The following NFIB variants were observed in gnomAD, a reference collection of about 807,000 sequenced individuals.
NFIB encodes nuclear factor 1 B-type.
Under a neutral mutation model 61.5 loss-of-function variants are expected in NFIB, and 11 were observed. The ratio of observed to expected loss-of-function variants is 0.18; its 90% CI spans 0.11 to 0.30. NFIB has a LOEUF of 0.30. NFIB is among the 10% of genes least tolerant of loss of function. NFIB has a pLI of 1.00. For synonymous variants in NFIB, 260 were observed against 216.5 expected (o/e 1.20, Z -1.76); for missense variants, 471 against 608.9 (o/e 0.77, Z 2.38).
chr9:14,267,783 C>T (rs2057317274), intron 2 of NFIB, among the ~76,000 whole-genome samples: 1 of 152,168 alleles, frequency 6.6e-6, no homozygotes, highest in African/African-American at 2.4e-5. Flanking sequence ...ATGACAGGTG[C>T]TCATTTAAAA....
chr9:14,131,938 T>A (rs913570638), intron 6 of NFIB, among the ~76,000 whole-genome samples: 1 of 152,158 alleles, frequency 6.6e-6, no homozygotes, highest in Non-Finnish European at 1.5e-5. Flanking sequence ...CTTTTTCACA[T>A]ATAGTAGAGC....
intron 2 of NFIB, among the ~76,000 whole-genome samples, chr9:14,298,812 A>C (rs184268403): frequency 9.2e-5 from 14 of 152,358 alleles, no homozygotes; most frequent in Admixed American, 9.1e-4. Flanking sequence ...TCAGGTAGCA[A>C]CTTAGCCAGG....
At chr9:14,359,768 T>A (rs1588366041) in intron 1 of NFIB, among the ~76,000 whole-genome samples, 1 of 152,028 alleles carries the variant, frequency 6.6e-6, no homozygotes, top group East Asian at 1.9e-4. Flanking sequence ...CTCCCTGGGG[T>A]TGCTGGGTGG....
chr9:14,451,679 A>G, the NFIB span, among the ~76,000 whole-genome samples: 4 of 152,240 alleles, frequency 2.6e-5, no homozygotes, highest in Non-Finnish European at 5.9e-5. Context: ...CTTGTATAAT[A>G]TGATTAAACT....
intron 1 of NFIB, among the ~76,000 whole-genome samples, chr9:14,331,638 T>C (rs946240683): frequency 1.3e-5 from 2 of 152,210 alleles, no homozygotes; most frequent in African/African-American, 4.8e-5. Context: ...GTTCTGAAAG[T>C]AATGGAATAT....
chr9:14,485,043 C>T, the NFIB span, among the ~76,000 whole-genome samples: 3 of 152,124 alleles, frequency 2.0e-5, no homozygotes, highest in Non-Finnish European at 4.4e-5. Context: ...ATTCCTTCCT[C>T]TTATAAAACC....
chr9:14,153,547 C>T (rs1374470654), intron 4 of NFIB, among the ~76,000 whole-genome samples: 1 of 152,116 alleles, frequency 6.6e-6, no homozygotes, highest in Non-Finnish European at 1.5e-5. Context: ...AACCTTTAAT[C>T]TCCCTTATTG....
the NFIB span, among the ~76,000 whole-genome samples, chr9:14,410,746 C>G: frequency 2.0e-5 from 3 of 152,196 alleles, no homozygotes; most frequent in African/African-American, 7.2e-5. Flanking sequence ...ACAACTCCCA[C>G]TTTCCTAAAC....
the NFIB span, among the ~76,000 whole-genome samples, chr9:14,446,034 C>T: frequency 4.0e-3 from 609 of 152,272 alleles, 8 homozygotes; most frequent in African/African-American, 0.014. Context: ...TCCAGGTTCT[C>T]TCAGCATGTT....
chr9:14,272,692 CAAAAAAAAAAAAA>C (rs61391471), intron 2 of NFIB, among the ~76,000 whole-genome samples: 11 of 67,212 alleles, frequency 1.6e-4, no homozygotes, highest in South Asian at 1.3e-3. Context: ...TCAATTCTCG[CAAAAAAAAAAAAA>C]AAAAAAAAAA....
intron 1 of NFIB, among the ~76,000 whole-genome samples, chr9:14,341,513 C>A (rs1233788234): frequency 6.6e-6 from 1 of 152,150 alleles, no homozygotes; most frequent in Non-Finnish European, 1.5e-5. Flanking sequence ...ATCAGAAGTG[C>A]TGGGAAGGGA....
chr9:14,179,704 A>T (rs763572336), intron 3 of NFIB, 23 bp downstream of exon 3: 2 of 1,612,798 alleles, frequency 1.2e-6, no homozygotes, highest in Non-Finnish European at 1.7e-6. Context: ...TCAGATTGCA[A>T]ATGTCCTGGA....
chr9:14,210,285 G>C lies in NFIB; in HGVS notation c.563-30505C>G, dbSNP rs564810306. ...TTGTACGTGTAAAGTAGTAAATGTA[G>C]AGGGTATTTAAAACATTTTTTGTGG... On this transcript the variant is annotated intron_variant, in intron 2 of 10. Transcript: ENST00000380953. Among the ~76,000 whole-genome samples the C allele has an allele frequency of 2.2e-4, 27 of 125,374 alleles. No homozygotes were observed. The South Asian group carries it at 7.2e-3, about 33-fold the overall frequency. The allele number at this position is 125,374 out of a possible 152,430, so 82.3% of individuals were successfully genotyped here. A position where few individuals can be genotyped will look rare whatever the true frequency, so the allele number is the denominator to read the frequency against.
intron 2 of NFIB, among the ~76,000 whole-genome samples, chr9:14,291,825 TA>T (rs766563660): frequency 2.8e-4 from 43 of 152,026 alleles, no homozygotes; most frequent in Non-Finnish European, 5.6e-4. Context: ...AGTTTTCTTA[TA>T]ACAAATCTCA....
Position 14,179,730 on chromosome 9 carries a change from G to T in NFIB, c.613C>A (p.Pro205Thr). 16 of 1,613,492 alleles carry T rather than the reference G, an allele frequency of 9.9e-6. No individual in the cohort carries two copies. Among genetic ancestry groups the T allele is most frequent in the Non-Finnish European group, 1.4e-5 (16 of 1,179,654 alleles). ...PSHNDPAKNP[P>T]GYLEDSFVKS... ...ATGTCCTGGAACACATATTTACCTG[G>T]AGGATTCTTGGCAGGATCATTGTGG... is the stretch of plus-strand genomic sequence containing the variant. The change falls in exon 3 of 11, where the codon CCA becomes ACA. Residue 205 changes from proline (P) to threonine (T), a missense_variant. By Grantham distance (38) the Pro-to-Thr change is conservative. This residue lies in a region of NFIB where 372 missense variants were observed against 395.6 expected (regional missense o/e 0.94). Coordinates refer to ENST00000380953, the MANE Select transcript of NFIB (RefSeq NM_001190737.2).
intron 2 of NFIB, among the ~76,000 whole-genome samples, chr9:14,289,836 G>C (rs1264453823): frequency 2.6e-5 from 4 of 151,858 alleles, no homozygotes; most frequent in Non-Finnish European, 5.9e-5. Context: ...AACCTTATTT[G>C]TGGGACTAAA....
chr9:14,296,561 C>T (rs1317801663), intron 2 of NFIB, among the ~76,000 whole-genome samples: 1 of 152,232 alleles, frequency 6.6e-6, no homozygotes, highest in Non-Finnish European at 1.5e-5. Flanking sequence ...CTTTCATAAA[C>T]AGGATTAGTG....
chr9:14,503,197 G>C, the NFIB span, among the ~76,000 whole-genome samples: 1 of 150,988 alleles, frequency 6.6e-6, no homozygotes, highest in Non-Finnish European at 1.5e-5. Flanking sequence ...TTGATTGATG[G>C]GCATTTGGGC....
chr9:14,085,001 G>A lies in NFIB; in HGVS notation c.*3308C>T, dbSNP rs548304985. 155 of 229,150 alleles carry A rather than the reference G, an allele frequency of 6.8e-4. No individual in the cohort carries two copies. The highest frequency in any genetic ancestry group is 3.3e-3 in the African/African-American group (150 of 45,192). 14.2% of individuals were successfully genotyped at this position (229,150 alleles called of 1,614,324 possible). A position where few individuals can be genotyped will look rare whatever the true frequency, so the allele number is the denominator to read the frequency against. On this transcript the variant is annotated 3_prime_UTR_variant, in exon 11 of 11. Transcript: ENST00000380953. ...AGCGAGTCTGCCTTTAAAAAATACT[G>A]TGTGTCCTGTGAGGTTCATTTGTTC...
Sources: gnomAD v4.1 joint callset for allele counts (sites outside exome capture counted in the v4.1 genomes callset) on GRCh38, gnomAD v4.1.1 for gene constraint, gnomAD v4.1.1 regional missense constraint, MANE v1.5 for transcripts, NCBI Gene and HGNC (gene_info 2026-07-23, HGNC 2026-07-21) for gene names.